PRKG1: variants seen among roughly 807,000 people sequenced by gnomAD.
The protein encoded by PRKG1 is cGMP-dependent protein kinase 1.
A neutral mutation model predicts 88.1 loss-of-function variants in PRKG1; 35 were observed. The observed-to-expected ratio is 0.40, with a 90% CI of 0.30 to 0.53. The LOEUF is 0.53. PRKG1 is among the 20% of genes least tolerant of loss of function. The pLI, the probability that PRKG1 is intolerant of heterozygous loss-of-function variation, is 0.59. For missense variants in PRKG1, 540 were observed against 839.8 expected, an observed-to-expected ratio of 0.64 and a Z score of 4.41; for synonymous variants, 303 against 292.5, an observed-to-expected ratio of 1.04 and a Z score of -0.37.
chr10:52,069,400 A>C (rs1846437337), intron 7 of PRKG1, among the ~76,000 whole-genome samples: 1 of 152,000 alleles, frequency 6.6e-6, no homozygotes, highest in South Asian at 2.1e-4. Flanking sequence ...TTGCGATGGC[A>C]CAAGCCTGTA....
intron 5 of PRKG1, among the ~76,000 whole-genome samples, chr10:52,009,805 T>G (rs2133167150): frequency 1.3e-5 from 2 of 152,278 alleles, no homozygotes; most frequent in South Asian, 4.1e-4. Flanking sequence ...AACAGCATAG[T>G]ACTGGTTCAT....
At chr10:51,633,458 A>G (rs182721706) in intron 3 of PRKG1, among the ~76,000 whole-genome samples, 6 of 137,216 alleles carry the variant, frequency 4.4e-5, no homozygotes, top group African/African-American at 1.1e-4. Flanking sequence ...AAAATAATGG[A>G]CTCAAGAAAA....
chr10:51,126,017 T>G (rs1290809629), intron 1 of PRKG1, among the ~76,000 whole-genome samples: 1 of 124,988 alleles, frequency 8.0e-6, no homozygotes, highest in African/African-American at 3.2e-5. Context: ...ATATATAATT[T>G]ATTTATATAT....
chr10:51,167,200 G>A (rs778273834), intron 2 of PRKG1, among the ~76,000 whole-genome samples: 9 of 152,172 alleles, frequency 5.9e-5, no homozygotes, highest in South Asian at 2.1e-4. Flanking sequence ...AAAGAGAATC[G>A]TGGAGGCAAT....
chr10:51,084,030 G>C (rs1191029957), intron 1 of PRKG1, among the ~76,000 whole-genome samples: 2 of 152,134 alleles, frequency 1.3e-5, no homozygotes, highest in Non-Finnish European at 2.9e-5. Flanking sequence ...AGTCAGCAAG[G>C]AGCTTTTCTG....
intron 3 of PRKG1, among the ~76,000 whole-genome samples, chr10:51,733,536 T>C (rs894444685): frequency 2.0e-5 from 3 of 152,186 alleles, no homozygotes; most frequent in African/African-American, 7.2e-5. Flanking sequence ...AAGATGGAGT[T>C]GAAAAGCAAG....
chr10:51,098,196 C>T (rs1844589764), intron 1 of PRKG1, among the ~76,000 whole-genome samples: 1 of 152,130 alleles, frequency 6.6e-6, no homozygotes, highest in African/African-American at 2.4e-5. Context: ...CATGCAGCTG[C>T]GTTTGAATTC....
chr10:51,896,775 A>T (rs927371930), intron 4 of PRKG1, among the ~76,000 whole-genome samples: 3 of 152,028 alleles, frequency 2.0e-5, no homozygotes, highest in Admixed American at 6.6e-5. Flanking sequence ...TCTAAAACTC[A>T]TATGCTAACC....
intron 5 of PRKG1, among the ~76,000 whole-genome samples, chr10:51,927,054 C>T (rs1842594744): frequency 6.6e-6 from 1 of 151,894 alleles, no homozygotes; most frequent in African/African-American, 2.4e-5. Context: ...GGGGAAGTTG[C>T]TTAAAATATA....
At chr10:51,109,365 T>A (rs1005465483) in intron 1 of PRKG1, among the ~76,000 whole-genome samples, 1 of 152,062 alleles carries the variant, frequency 6.6e-6, no homozygotes, top group African/African-American at 2.4e-5. Flanking sequence ...GGTGTTGGCA[T>A]AAATATAGGC....
intron 3 of PRKG1, among the ~76,000 whole-genome samples, chr10:51,707,138 C>T (rs1225235744): frequency 6.6e-6 from 1 of 152,114 alleles, no homozygotes; most frequent in African/African-American, 2.4e-5. Context: ...TAGGCTTGAT[C>T]CCATAGAATA....
chr10:52,255,712 A>G (rs1287770451), intron 10 of PRKG1, among the ~76,000 whole-genome samples: 2 of 152,050 alleles, frequency 1.3e-5, no homozygotes, highest in African/African-American at 4.8e-5. Flanking sequence ...GCAGGGGTTC[A>G]GTGTGTGGAG....
intron 3 of PRKG1, among the ~76,000 whole-genome samples, chr10:51,492,568 T>A (rs1840734095): frequency 1.3e-5 from 2 of 152,294 alleles, no homozygotes; most frequent in African/African-American, 4.8e-5. Context: ...AAATACAGTC[T>A]TTTGTAATAC....
intron 3 of PRKG1, among the ~76,000 whole-genome samples, chr10:51,693,624 A>T (rs1841205670): frequency 6.6e-6 from 1 of 151,280 alleles, no homozygotes; most frequent in African/African-American, 2.4e-5. Flanking sequence ...CTGGTCTCAA[A>T]CTCCTGACCT....
At chr10:51,045,431 C>T (rs559628696) in intron 1 of PRKG1, among the ~76,000 whole-genome samples, 2 of 152,240 alleles carry the variant, frequency 1.3e-5, no homozygotes, top group Admixed American at 6.5e-5. Flanking sequence ...AAGCGATTCT[C>T]CTGCCTCAGC....
intron 5 of PRKG1, among the ~76,000 whole-genome samples, chr10:52,028,485 T>G (rs1025381490): frequency 5.9e-5 from 9 of 152,200 alleles, no homozygotes; most frequent in African/African-American, 2.2e-4. Context: ...AAATACTCTT[T>G]TATTATCATC....
At chr10:51,302,140 C>T (rs543266843) in intron 2 of PRKG1, among the ~76,000 whole-genome samples, 11 of 152,254 alleles carry the variant, frequency 7.2e-5, no homozygotes, top group African/African-American at 1.4e-4. Flanking sequence ...AAATACACTC[C>T]GCCATTAGCA....
At chr10:51,075,287 A>T (rs1843920719) in intron 1 of PRKG1, among the ~76,000 whole-genome samples, 1 of 152,114 alleles carries the variant, frequency 6.6e-6, no homozygotes, top group Non-Finnish European at 1.5e-5. Context: ...GAAAATCCTA[A>T]ATGCAGGCTC....
At chr10:51,337,457 C>T (rs1472526708) in intron 2 of PRKG1, among the ~76,000 whole-genome samples, 1 of 152,072 alleles carries the variant, frequency 6.6e-6, no homozygotes, top group Non-Finnish European at 1.5e-5. Flanking sequence ...AAGAAATTAT[C>T]ATCATTATGA....
Sources: allele counts gnomAD v4.1 joint callset (sites outside exome capture counted in the v4.1 genomes callset), GRCh38; gene constraint gnomAD v4.1.1; transcripts MANE v1.5; gene names NCBI Gene and HGNC (gene_info 2026-07-23, HGNC 2026-07-21).